The following OTOG variants were observed in gnomAD, a reference collection of about 807,000 sequenced individuals.
OTOG encodes otogelin.
A neutral mutation model predicts 313.8 loss-of-function variants in OTOG; 296 were observed. The ratio of observed to expected loss-of-function variants is 0.94; its 90% CI spans 0.86 to 1.04. The LOEUF is 1.04. OTOG is among the 50% of genes least tolerant of loss of function. The probability of loss-of-function intolerance (pLI) is 0.00; values close to 1 mark genes in which losing one functional copy is unlikely to be tolerated. For missense variants in OTOG, 3,948 were observed against 3,840.1 expected, an observed-to-expected ratio of 1.03 and a Z score of -0.74; for synonymous variants, 1,533 against 1,554.9, an observed-to-expected ratio of 0.99 and a Z score of 0.33.
intron 8 of OTOG, among the ~76,000 whole-genome samples, 195 bp from the exon 9 acceptor site, chr11:17,557,990 G>A (rs1332727570): frequency 3.3e-5 from 5 of 152,130 alleles, no homozygotes; most frequent in Non-Finnish European, 5.9e-5. Context: ...GAGCATTCTT[G>A]GCTATTACTA....
intron 39 of OTOG, among the ~76,000 whole-genome samples, chr11:17,621,058 C>T (rs1183247530): frequency 6.6e-6 from 1 of 152,120 alleles, no homozygotes; most frequent in East Asian, 1.9e-4. Flanking sequence ...CCTTGTCTAC[C>T]GTGTGTGTCA....
At chr11:17,567,734 C>T (rs1290944176) in intron 15 of OTOG, among the ~76,000 whole-genome samples, 1 of 152,182 alleles carries the variant, frequency 6.6e-6, no homozygotes, top group Non-Finnish European at 1.5e-5. Context: ...CTTCCTGTAA[C>T]AGAGCTTTTG....
chr11:17,642,151 T>C lies in OTOG; in HGVS notation c.8320T>C (p.Cys2774Arg). 1 of 1,548,234 alleles carries C rather than the reference T, an allele frequency of 6.5e-7. No individual in the cohort carries two copies. Among genetic ancestry groups the C allele is most frequent in the East Asian group, 2.4e-5 (1 of 40,882 alleles). ...FLPGASWIAD[C>R]ARHHCSSTPL... Reference sequence around the variant, plus strand: ...GCCCGGGGCATCCTGGATCGCAGACTGCGCCCGCCACCACTGCAGCAGCAC... The same window carrying C: ...GCCCGGGGCATCCTGGATCGCAGACCGCGCCCGCCACCACTGCAGCAGCAC... The change falls in exon 53 of 56, where the codon TGC becomes CGC. Residue 2774 changes from cysteine to arginine, a missense_variant. Cys to Arg is a radical substitution (Grantham distance 180, BLOSUM62 -3). Coordinates refer to ENST00000399397, the MANE Select transcript of OTOG (RefSeq NM_001292063.2).
At chr11:17,556,751 G>A (rs77618571) in intron 7 of OTOG, among the ~76,000 whole-genome samples, 8,594 of 152,146 alleles carry the variant, frequency 0.056, 826 homozygotes, top group African/African-American at 0.2. Flanking sequence ...GCTGGAGCCC[G>A]CCATCTTTTC....
rs1341514312 is a variant in OTOG at position 17,559,211 on chromosome 11, C to A, written c.1213+50C>A. On this transcript the variant is annotated intron_variant, in intron 11 of 55. Coordinates refer to ENST00000399397, the MANE Select transcript of OTOG (RefSeq NM_001292063.2). Reference sequence around the variant, plus strand: ...AGGGAGGCCTTCAGGCTGTGGGTGGCATTCTCAGGCCTCAGCTCAATGTCT... The same window carrying A: ...AGGGAGGCCTTCAGGCTGTGGGTGGAATTCTCAGGCCTCAGCTCAATGTCT... 6 of 1,312,180 alleles carry A rather than the reference C, an allele frequency of 4.6e-6. No homozygotes were observed. The African/African-American group carries it at 5.9e-5, about 13-fold the overall frequency. The allele number at this position is 1,312,180 out of a possible 1,614,324, so 81.3% of individuals were successfully genotyped here. A position where few individuals can be genotyped will look rare whatever the true frequency, so the allele number is the denominator to read the frequency against.
intron 53 of OTOG, 76 bp downstream of exon 53, chr11:17,642,322 G>T: frequency 6.9e-7 from 1 of 1,457,786 alleles, no homozygotes; most frequent in Non-Finnish European, 9.1e-7. Context: ...TGGAGGTCCT[G>T]TGTGCAGGAG....
chr11:17,616,258 T>C (rs1314116322), intron 39 of OTOG, among the ~76,000 whole-genome samples: 1 of 152,198 alleles, frequency 6.6e-6, no homozygotes, highest in Non-Finnish European at 1.5e-5. Context: ...GGTCTCACTA[T>C]GTTGCCCAGG....
At chr11:17,611,521 C>G (rs1366438222) in intron 36 of OTOG, 98 bp downstream of exon 36, 1 of 1,212,796 alleles carries the variant, frequency 8.2e-7, no homozygotes, top group Non-Finnish European at 1.1e-6. Context: ...TATCCTCATA[C>G]CTGCCCCATG....
intron 39 of OTOG, among the ~76,000 whole-genome samples, chr11:17,620,856 A>C (rs1452433597): frequency 1.3e-5 from 2 of 152,128 alleles, no homozygotes; most frequent in East Asian, 3.8e-4. Flanking sequence ...CTCTAAGTTC[A>C]TTAATCTTTT....
intron 25 of OTOG, 25 bp downstream of exon 25, chr11:17,591,613 A>C: frequency 6.5e-7 from 1 of 1,549,878 alleles, no homozygotes; most frequent in Non-Finnish European, 8.7e-7. Context: ...GTTTCTGCCC[A>C]GTTGGCTCCA....
rs184628947 is a variant in OTOG, at chr11:17,639,791, T to C, written c.7935+328T>C. Among the ~76,000 whole-genome samples the C allele has an allele frequency of 1.1e-4, 17 of 150,302 alleles. No homozygotes were observed. In the East Asian group the frequency reaches 2.9e-3, roughly 26 times the overall value. ...GGTGGTGACGATGGTGATAGTGCAG[T>C]GATTATGGTAATAATGCAATGATGG... On this transcript the variant is annotated intron_variant, in intron 49 of 55. Coordinates refer to ENST00000399397, the MANE Select transcript of OTOG (RefSeq NM_001292063.2).
chr11:17,567,411 C>A (rs1260137543), intron 15 of OTOG, among the ~76,000 whole-genome samples: 1 of 152,236 alleles, frequency 6.6e-6, no homozygotes, highest in Admixed American at 6.5e-5. Context: ...GGTTCACTTT[C>A]TCAGGTTGGC....
Position 17,557,332 on chromosome 11 carries a change from C to A in OTOG, c.865+9C>A. 1 of 1,549,334 alleles carries A rather than the reference C, an allele frequency of 6.5e-7. No homozygotes were observed. ...TCTGGTGACCAGCTCTGGTGAGGGT[C>A]AGACAGGTGGCCTCTGAGGGGTGTT... On this transcript the variant is annotated intron_variant, in intron 8 of 55. Coordinates refer to ENST00000399397, the MANE Select transcript of OTOG (RefSeq NM_001292063.2).
chr11:17,624,030 G>A (rs751817567), intron 39 of OTOG, among the ~76,000 whole-genome samples: 1 of 152,128 alleles, frequency 6.6e-6, no homozygotes, highest in Non-Finnish European at 1.5e-5. Flanking sequence ...ATTTGTTTAA[G>A]TTCCTTATAG....
chr11:17,590,522 C>A (rs193241478), intron 24 of OTOG, among the ~76,000 whole-genome samples: 6 of 152,368 alleles, frequency 3.9e-5, no homozygotes, highest in African/African-American at 1.4e-4. Flanking sequence ...GCAGTAGCCA[C>A]TCAGCTGGTC....
chr11:17,632,091 C>T lies in OTOG; in HGVS notation c.6937C>T (p.Pro2313Ser), dbSNP rs543999548. ...RTFSACHRFV[P>S]PESFCELWIR... is the part of the protein sequence containing the mutation. Reference sequence around the variant, plus strand: ...ACTGCCTGATGCATATGTCCAGGTGCCTCCGGAGTCATTCTGTGAGCTGTG... The same window carrying T: ...ACTGCCTGATGCATATGTCCAGGTGTCTCCGGAGTCATTCTGTGAGCTGTG... The change falls in exon 42 of 56, where the codon CCT becomes TCT. Residue 2313 changes from proline (P) to serine (S), a missense_variant. By Grantham distance (74) the Pro-to-Ser change is moderately conservative (BLOSUM62 -1). Coordinates refer to ENST00000399397, the MANE Select transcript of OTOG (RefSeq NM_001292063.2). The T allele has an allele frequency of 9.5e-5, 148 of 1,550,856 alleles. 1 individual carries two copies. The African/African-American group carries it at 1.7e-3, about 18-fold the overall frequency.
intron 22 of OTOG, 42 bp downstream of exon 22, chr11:17,576,953 C>T (rs1458417655): frequency 2.6e-6 from 4 of 1,538,454 alleles, no homozygotes; most frequent in Non-Finnish European, 3.5e-6. Context: ...GGGGGCTCCA[C>T]ATGGTAAAGG....
At chr11:17,570,984 A>G (rs964428290) in intron 17 of OTOG, among the ~76,000 whole-genome samples, 9 of 152,184 alleles carry the variant, frequency 5.9e-5, no homozygotes, top group African/African-American at 2.2e-4. Context: ...GTGAGCTGAC[A>G]TATTTGGGCA....
At chr11:17,564,610 G>T (rs1388960638) in intron 15 of OTOG, among the ~76,000 whole-genome samples, 3 of 152,210 alleles carry the variant, frequency 2.0e-5, no homozygotes, top group Non-Finnish European at 4.4e-5. Flanking sequence ...AGATGAAGCT[G>T]CGACTGCACT....
Sources: allele counts gnomAD v4.1 joint callset (sites outside exome capture counted in the v4.1 genomes callset), GRCh38; gene constraint gnomAD v4.1.1; transcripts MANE v1.5; gene names NCBI Gene and HGNC (gene_info 2026-07-23, HGNC 2026-07-21).